Variants in CHM observed in about 807,000 individuals in gnomAD.
CHM encodes rab proteins geranylgeranyltransferase component A 1.
A neutral mutation model predicts 49.0 loss-of-function variants in CHM; 10 were observed. The observed-to-expected ratio is 0.20, with a 90% CI of 0.13 to 0.35. The LOEUF (loss-of-function observed/expected upper bound fraction) is 0.35. Ranked by LOEUF, CHM falls within the 10% of genes least tolerant of loss-of-function variation. The probability of loss-of-function intolerance (pLI) is 1.00; values close to 1 mark genes in which losing one functional copy is unlikely to be tolerated. For synonymous variants in CHM, 184 were observed against 167.5 expected, an observed-to-expected ratio of 1.10 and a Z score of -0.76; for missense variants, 455 against 478.4, an observed-to-expected ratio of 0.95 and a Z score of 0.46.
At chrX:85,879,962 A>G (rs1279713124) in intron 12 of CHM, among the ~76,000 whole-genome samples, 1 of 110,178 alleles carries the variant, frequency 9.1e-6, no homozygotes, top group Non-Finnish European at 1.9e-5. Context: ...TTTTTTTTTA[A>G]ACTCCAGGAA....
intron 4 of CHM, among the ~76,000 whole-genome samples, chrX:85,965,680 TTA>T (rs1207417052): frequency 9.0e-6 from 1 of 111,291 alleles, no homozygotes; most frequent in Non-Finnish European, 1.9e-5. Context: ...AAGTGCCTTA[TTA>T]AAAATAACAC....
intron 4 of CHM, chrX:85,970,438 G>A (rs905648060): frequency 4.0e-6 from 3 of 753,318 alleles, no homozygotes; most frequent in Non-Finnish European, 4.7e-6. Context: ...TCACTTGGTG[G>A]AACGGTTGGT....
At chrX:85,908,392 G>A (rs767403188) in intron 9 of CHM, among the ~76,000 whole-genome samples, 3 of 111,880 alleles carry the variant, frequency 2.7e-5, no homozygotes, top group Non-Finnish European at 5.6e-5. Context: ...GCCAACTTCA[G>A]TCAATGCTAG....
intron 2 of CHM, among the ~76,000 whole-genome samples, chrX:86,015,039 T>A (rs1181426259): frequency 9.3e-6 from 1 of 107,153 alleles, no homozygotes; most frequent in Non-Finnish European, 1.9e-5. Flanking sequence ...AAGTTCAGTT[T>A]CAATATATAC....
At chrX:85,870,110 T>C (rs992841249) in intron 14 of CHM, among the ~76,000 whole-genome samples, 3 of 111,578 alleles carry the variant, frequency 2.7e-5, no homozygotes, top group Admixed American at 1.9e-4. Context: ...TTACTAGCTA[T>C]GGGGCCTCTG....
At chrX:85,913,208 T>A (rs1384582593) in intron 8 of CHM, among the ~76,000 whole-genome samples, 3 of 93,373 alleles carry the variant, frequency 3.2e-5, no homozygotes, top group African/African-American at 8.1e-5. Flanking sequence ...CCCAGCTACT[T>A]GGGAGGCTGA....
At chrX:85,919,420 T>G (rs1927651012) in intron 8 of CHM, among the ~76,000 whole-genome samples, 1 of 111,641 alleles carries the variant, frequency 9.0e-6, no homozygotes, top group African/African-American at 3.3e-5. Context: ...AAGTATCCTT[T>G]TCCTTGAAAA....
chrX:85,969,096 C>T, intron 4 of CHM: 1 of 680,550 alleles, frequency 1.5e-6, no homozygotes, highest in Non-Finnish European at 1.7e-6. Context: ...ATTTTAGATT[C>T]CTATTGCAAA....
chrX:86,020,138 A>T (rs188537201), intron 2 of CHM, among the ~76,000 whole-genome samples: 1 of 111,048 alleles, frequency 9.0e-6, no homozygotes, highest in African/African-American at 3.3e-5. Context: ...TAAAATTCTC[A>T]CCATTCACCT....
intron 4 of CHM, among the ~76,000 whole-genome samples, chrX:85,966,602 C>T (rs1930596272): frequency 8.9e-6 from 1 of 111,758 alleles, no homozygotes; most frequent in Non-Finnish European, 1.9e-5. Flanking sequence ...ACCAACAAAA[C>T]TAAAGTGTGT....
chrX:85,968,126 C>A (rs1930677622), intron 4 of CHM, among the ~76,000 whole-genome samples: 1 of 111,995 alleles, frequency 8.9e-6, no homozygotes, highest in Admixed American at 9.5e-5. Context: ...ATATATTATA[C>A]TGCTACCCAG....
At chrX:85,887,548 T>A (rs12390400) in intron 12 of CHM, among the ~76,000 whole-genome samples, 1 of 111,603 alleles carries the variant, frequency 9.0e-6, no homozygotes, top group Non-Finnish European at 1.9e-5. Flanking sequence ...GCTGAAAATA[T>A]ACCTGAAAAC....
chrX:85,977,818 A>C (rs1281133777), intron 4 of CHM, among the ~76,000 whole-genome samples: 1 of 111,316 alleles, frequency 9.0e-6, no homozygotes. Context: ...CTTTTACAGA[A>C]AATCACAGAA....
At chrX:86,006,107 A>G (rs1196402871) in intron 2 of CHM, among the ~76,000 whole-genome samples, 1 of 112,096 alleles carries the variant, frequency 8.9e-6, no homozygotes, top group African/African-American at 3.2e-5. Context: ...GGCTGGTTCA[A>G]CATACGCAAA....
chrX:85,925,798 C>T (rs1469668198), intron 8 of CHM, among the ~76,000 whole-genome samples: 1 of 111,709 alleles, frequency 9.0e-6, no homozygotes, highest in Non-Finnish European at 1.9e-5. Flanking sequence ...TAATGCTCTT[C>T]ATGGCTATGT....
chrX:85,980,327 T>C (rs1931523357), intron 3 of CHM, among the ~76,000 whole-genome samples: 1 of 111,990 alleles, frequency 8.9e-6, no homozygotes, highest in Admixed American at 9.5e-5. Flanking sequence ...CAGTTAAATA[T>C]CTACTTATTT....
intron 4 of CHM, among the ~76,000 whole-genome samples, chrX:85,973,550 T>C (rs1273428245): frequency 9.0e-6 from 1 of 111,198 alleles, no homozygotes; most frequent in East Asian, 2.8e-4. Flanking sequence ...TTGACTTATA[T>C]CTATTTACTT....
intron 2 of CHM, among the ~76,000 whole-genome samples, chrX:85,984,262 C>T (rs983935935): frequency 9.0e-6 from 1 of 110,842 alleles, no homozygotes; most frequent in Non-Finnish European, 1.9e-5. Context: ...ATATAAAGAA[C>T]TCTTTCAACT....
intron 8 of CHM, among the ~76,000 whole-genome samples, chrX:85,946,736 A>G: frequency 8.9e-6 from 1 of 111,790 alleles, no homozygotes; most frequent in South Asian, 3.9e-4. Flanking sequence ...CAGAGTCCCT[A>G]CTGAGGCACT....
Sources: allele counts gnomAD v4.1 joint callset (sites outside exome capture counted in the v4.1 genomes callset), GRCh38; gene constraint gnomAD v4.1.1; transcripts MANE v1.5; gene names NCBI Gene and HGNC (gene_info 2026-07-23, HGNC 2026-07-21).